The following SEL1L3 variants were observed in gnomAD, a reference collection of about 807,000 sequenced individuals.
SEL1L3 encodes protein sel-1 homolog 3.
A neutral mutation model predicts 142.8 loss-of-function variants in SEL1L3; 76 were observed. The observed-to-expected ratio is 0.53, with a 90% CI of 0.44 to 0.64. The LOEUF is 0.64. Among genes scored for constraint, SEL1L3 ranks in the 30% least tolerant of loss-of-function variants. The pLI, the probability that SEL1L3 is intolerant of heterozygous loss-of-function variation, is 0.00. For synonymous variants in SEL1L3, 504 were observed against 519.6 expected (o/e 0.97, Z 0.41); for missense variants, 1,262 against 1,381.7 (o/e 0.91, Z 1.37).
rs144683901 is a variant in SEL1L3, at chr4:25,798,383, T to C, written c.1956+3900A>G. Reference sequence around the variant, plus strand: ...TACACATGTATCTGCATATCACATGTATGTGCCTAGGCCACACCCCACATC... The same window carrying C: ...TACACATGTATCTGCATATCACATGCATGTGCCTAGGCCACACCCCACATC... On this transcript the variant is annotated intron_variant, in intron 11 of 23. Transcript: ENST00000399878. Among the ~76,000 whole-genome samples the C allele has an allele frequency of 2.6e-3, 398 of 152,294 alleles. 2 individuals are homozygous for C. Among genetic ancestry groups the C allele is most frequent in the African/African-American group, 8.9e-3 (372 of 41,574 alleles).
chr4:25,817,775 C>T (rs1471648942), intron 9 of SEL1L3, among the ~76,000 whole-genome samples: 1 of 152,076 alleles, frequency 6.6e-6, no homozygotes, highest in Non-Finnish European at 1.5e-5. Context: ...TAGAAATTTG[C>T]ATTTTCATAC....
chr4:25,727,025 CTG>C, the SEL1L3 span, among the ~76,000 whole-genome samples: 2 of 151,676 alleles, frequency 1.3e-5, no homozygotes, highest in African/African-American at 4.8e-5. Context: ...TCGTGTCTCT[CTG>C]TGTGTCCAAA....
chr4:25,767,907 T>C lies in SEL1L3; in HGVS notation c.2670-77A>G, dbSNP rs979129267. ...TCACAGAGAGCTTTACATTCAAACA[T>C]AAGAGGGCACAAAATAAGCAGTTTT... On this transcript the variant is annotated intron_variant, in intron 17 of 23. Transcript: ENST00000399878. The C allele has an allele frequency of 1.0e-5, 9 of 878,760 alleles. No homozygotes were observed. The African/African-American group carries it at 1.0e-4, about 10-fold the overall frequency. The allele number at this position is 878,760 out of a possible 1,614,324, so 54.4% of individuals were successfully genotyped here.
At chr4:25,725,020 A>G in the SEL1L3 span, among the ~76,000 whole-genome samples, 1 of 152,096 alleles carries the variant, frequency 6.6e-6, no homozygotes, top group Admixed American at 6.5e-5. Flanking sequence ...AGGACATTTC[A>G]GCCCCTGTGC....
intron 11 of SEL1L3, among the ~76,000 whole-genome samples, chr4:25,800,812 T>C (rs1713131895): frequency 6.6e-6 from 1 of 152,264 alleles, no homozygotes; most frequent in East Asian, 1.9e-4. Flanking sequence ...AATGCCTACA[T>C]AGACAGCCTT....
intron 11 of SEL1L3, among the ~76,000 whole-genome samples, chr4:25,799,352 G>A (rs1382105401): frequency 1.3e-5 from 2 of 152,130 alleles, no homozygotes; most frequent in South Asian, 2.1e-4. Flanking sequence ...TGGTATTACC[G>A]GGGTGACCTA....
At chr4:25,784,838 C>A (rs1202586470) in intron 13 of SEL1L3, among the ~76,000 whole-genome samples, 1 of 152,190 alleles carries the variant, frequency 6.6e-6, no homozygotes, top group Non-Finnish European at 1.5e-5. Context: ...CAAGGTTCTT[C>A]CAGCAAAATC....
chr4:25,855,632 G>A (rs1011794195), intron 1 of SEL1L3, among the ~76,000 whole-genome samples: 9 of 152,126 alleles, frequency 5.9e-5, no homozygotes, highest in Non-Finnish European at 1.0e-4. Context: ...GTGGTGGCGG[G>A]CACCGGTAAT....
intron 6 of SEL1L3, among the ~76,000 whole-genome samples, chr4:25,824,427 A>C (rs1714965472): frequency 6.6e-6 from 1 of 152,196 alleles, no homozygotes; most frequent in Non-Finnish European, 1.5e-5. Flanking sequence ...AAAAAACGGA[A>C]ATAGTAATAG....
intron 11 of SEL1L3, among the ~76,000 whole-genome samples, chr4:25,798,858 C>A (rs190064942): frequency 6.6e-6 from 1 of 151,840 alleles, no homozygotes; most frequent in African/African-American, 2.4e-5. Flanking sequence ...AAAGAAAGAC[C>A]GGGGAGGAGG....
chr4:25,774,794 A>C (rs1331319981), intron 17 of SEL1L3, among the ~76,000 whole-genome samples: 2 of 152,230 alleles, frequency 1.3e-5, no homozygotes, highest in Non-Finnish European at 2.9e-5. Flanking sequence ...GCAGTGAGCC[A>C]AGATCGTGCC....
intron 9 of SEL1L3, among the ~76,000 whole-genome samples, chr4:25,809,629 C>T (rs28390115): frequency 0.041 from 6,239 of 152,200 alleles, 276 homozygotes; most frequent in East Asian, 0.15. Flanking sequence ...TCCCTGCCTT[C>T]TTCTTTTCCT....
rs191898604 is a variant in SEL1L3 at position 25,748,612 on chromosome 4, T to C, written c.3260-48A>G. The C allele has an allele frequency of 8.4e-4, 1,315 of 1,573,466 alleles. 5 individuals carry two copies. The highest frequency in any genetic ancestry group is 6.3e-4 in the Non-Finnish European group (731 of 1,159,316). ...GGTGCTGAATACTCAAAACAGTGCA[T>C]TCAGAATGTACAACCACACCTAGAG... On this transcript the variant is annotated intron_variant, in intron 23 of 23. Coordinates refer to ENST00000399878, the MANE Select transcript of SEL1L3 (RefSeq NM_015187.5).
chr4:25,843,588 C>T (rs1218216234), intron 2 of SEL1L3, among the ~76,000 whole-genome samples: 4 of 152,210 alleles, frequency 2.6e-5, no homozygotes, highest in African/African-American at 7.2e-5. Flanking sequence ...ACAACAGAAA[C>T]GCCCAGTCCC....
intron 9 of SEL1L3, among the ~76,000 whole-genome samples, chr4:25,806,865 A>C (rs879366697): frequency 1.1e-4 from 17 of 152,208 alleles, no homozygotes; most frequent in Admixed American, 8.5e-4. Flanking sequence ...GTAAAAAAAA[A>C]AAAAATTCAA....
At chr4:25,802,531 G>C (rs752821689) in intron 10 of SEL1L3, 69 bp from the exon 11 acceptor site, 16 of 1,349,358 alleles carry the variant, frequency 1.2e-5, no homozygotes, top group Non-Finnish European at 1.3e-5. Context: ...AACACTGAAA[G>C]GTTGTCAGGC....
At chr4:25,844,073 T>C (rs1716349271) in intron 2 of SEL1L3, among the ~76,000 whole-genome samples, 1 of 152,228 alleles carries the variant, frequency 6.6e-6, no homozygotes, top group Non-Finnish European at 1.5e-5. Context: ...AAACCTTCCC[T>C]GAAACCCCAC....
chr4:25,740,891 T>G, the SEL1L3 span, among the ~76,000 whole-genome samples: 16 of 151,934 alleles, frequency 1.1e-4, no homozygotes, highest in Admixed American at 2.0e-4. Flanking sequence ...TTCAAGGGAT[T>G]CTCTTGCCTC....
At chr4:25,841,885 G>A (rs771162531) in intron 2 of SEL1L3, among the ~76,000 whole-genome samples, 1 of 152,132 alleles carries the variant, frequency 6.6e-6, no homozygotes, top group African/African-American at 2.4e-5. Flanking sequence ...GCATGAACCT[G>A]GGAGGCGGAG....
Sources: gnomAD v4.1 joint callset for allele counts (sites outside exome capture counted in the v4.1 genomes callset) on GRCh38, gnomAD v4.1.1 for gene constraint, MANE v1.5 for transcripts, NCBI Gene and HGNC (gene_info 2026-07-23, HGNC 2026-07-21) for gene names.